Variants in POLA1 observed in about 807,000 individuals in gnomAD.
POLA1 encodes DNA polymerase alpha catalytic subunit.
Under a neutral mutation model 124.0 loss-of-function variants are expected in POLA1, and 15 were observed. The observed-to-expected ratio is 0.12, with a 90% CI of 0.08 to 0.19. The LOEUF (loss-of-function observed/expected upper bound fraction) is 0.19. Ranked by LOEUF, POLA1 falls within the 10% of genes least tolerant of loss-of-function variation. POLA1 has a pLI of 1.00. For synonymous variants in POLA1, 408 were observed against 389.4 expected (o/e 1.05, Z -0.56); for missense variants, 886 against 1,103.4 (o/e 0.80, Z 2.79).
chrX:24,835,583 C>G (rs2046331708), intron 32 of POLA1, among the ~76,000 whole-genome samples: 1 of 109,043 alleles, frequency 9.2e-6, no homozygotes, highest in Non-Finnish European at 1.9e-5. Flanking sequence ...TTTGTTGATC[C>G]TCCCAGTTTG....
At chrX:24,728,551 A>G (rs1930688154) in intron 15 of POLA1, among the ~76,000 whole-genome samples, 1 of 111,869 alleles carries the variant, frequency 8.9e-6, no homozygotes, top group Non-Finnish European at 1.9e-5. Flanking sequence ...ATCTCTTTTA[A>G]ACAGGAAGAA....
rs772870674 is a variant in POLA1 at position 24,745,400 on chromosome X, G to T, written c.2567-18G>T. On this transcript the variant is annotated intron_variant, in intron 23 of 36. Coordinates refer to ENST00000379068, the MANE Select transcript of POLA1 (RefSeq NM_001330360.2). ...TGCTTTTCTTTAGACTTTTTATGAC[G>T]TGGCTTTTTAATTTCAGGTTTTTAT... 3 of 1,125,435 alleles carry T rather than the reference G, an allele frequency of 2.7e-6. No homozygotes were observed. Among genetic ancestry groups the T allele is most frequent in the Non-Finnish European group, 3.6e-6 (3 of 840,070 alleles). The allele number at this position is 1,125,435 out of a possible 1,213,427, so 92.7% of individuals were successfully genotyped here.
intron 36 of POLA1, among the ~76,000 whole-genome samples, chrX:24,990,444 T>C (rs940679561): frequency 8.9e-6 from 1 of 112,506 alleles, no homozygotes; most frequent in Non-Finnish European, 1.9e-5. Context: ...CCTCCCTTCC[T>C]GCTCTGAGAG....
At chrX:24,815,733 T>C (rs1238315239) in intron 30 of POLA1, among the ~76,000 whole-genome samples, 1 of 111,621 alleles carries the variant, frequency 9.0e-6, no homozygotes, top group Non-Finnish European at 1.9e-5. Flanking sequence ...GCAAATACAA[T>C]GCTACCCATT....
intron 8 of POLA1, 58 bp downstream of exon 8, chrX:24,717,029 A>G: frequency 1.3e-6 from 1 of 783,694 alleles, no homozygotes; most frequent in Non-Finnish European, 1.9e-6. Flanking sequence ...TCAAAAATGG[A>G]GGCCCTATGA....
At chrX:24,992,243 T>G (rs988215598) in intron 36 of POLA1, among the ~76,000 whole-genome samples, 11 of 111,458 alleles carry the variant, frequency 9.9e-5, no homozygotes, top group African/African-American at 3.6e-4. Flanking sequence ...CTTTCAAATT[T>G]TTCTAAAGCT....
chrX:24,741,218 C>G (rs1569291088), intron 20 of POLA1, among the ~76,000 whole-genome samples, 157 bp from the exon 21 acceptor site: 1 of 108,809 alleles, frequency 9.2e-6, no homozygotes, highest in Admixed American at 1.0e-4. Flanking sequence ...TTCCTAGTTA[C>G]ATACTGACCT....
At chrX:24,876,702 T>C (rs1225283877) in intron 34 of POLA1, among the ~76,000 whole-genome samples, 1 of 107,037 alleles carries the variant, frequency 9.3e-6, no homozygotes, top group Non-Finnish European at 1.9e-5. Flanking sequence ...ATAGTGGTAG[T>C]GGTATGGAGA....
rs186146223 is a variant in POLA1 at position 24,834,334 on chromosome X, G to A, written c.3737-7318G>A. Among the ~76,000 whole-genome samples the A allele has an allele frequency of 3.6e-5, 4 of 111,572 alleles. No homozygotes were observed. The Admixed American group carries it at 3.8e-4, about 11-fold the overall frequency. On this transcript the variant is annotated intron_variant, in intron 32 of 36. Coordinates refer to ENST00000379068, the MANE Select transcript of POLA1 (RefSeq NM_001330360.2). ...ATCTTGGGTATTCATTTAAACCAAA[G>A]GCTCGGCTATTATTTCTTCTAAAAT...
chrX:24,775,011 T>C (rs1165646623), intron 26 of POLA1, among the ~76,000 whole-genome samples: 1 of 112,405 alleles, frequency 8.9e-6, no homozygotes, highest in African/African-American at 3.2e-5. Flanking sequence ...TCACACCATG[T>C]CTTTTTTTTA....
chrX:24,831,764 A>T (rs960477256), intron 32 of POLA1, among the ~76,000 whole-genome samples: 1 of 112,690 alleles, frequency 8.9e-6, no homozygotes, highest in African/African-American at 3.2e-5. Flanking sequence ...TAGTAAAATT[A>T]AAAAATGTTA....
At chrX:24,787,439 T>C (rs899428774) in intron 26 of POLA1, among the ~76,000 whole-genome samples, 16 of 112,080 alleles carry the variant, frequency 1.4e-4, no homozygotes, top group Non-Finnish European at 2.8e-4. Context: ...TGTGGATATC[T>C]AGTTTTCCCA....
chrX:24,753,113 G>A (rs1270314454), intron 26 of POLA1, among the ~76,000 whole-genome samples: 1 of 108,734 alleles, frequency 9.2e-6, no homozygotes, highest in Admixed American at 9.9e-5. Context: ...CCGGGTTCAC[G>A]CCATTCTACT....
intron 12 of POLA1, among the ~76,000 whole-genome samples, chrX:24,725,400 G>A (rs1333948792): frequency 1.8e-5 from 2 of 110,195 alleles, no homozygotes; most frequent in African/African-American, 3.3e-5. Context: ...GTTTCACCAT[G>A]TTGGCCAGGC....
At chrX:24,825,639 G>A (rs2046160377) in intron 31 of POLA1, among the ~76,000 whole-genome samples, 1 of 111,771 alleles carries the variant, frequency 8.9e-6, no homozygotes, top group Non-Finnish European at 1.9e-5. Context: ...TCACAAGGCT[G>A]GATATGGGCC....
chrX:24,809,975 T>C (rs374499608), intron 27 of POLA1, 45 bp downstream of exon 27: 20 of 826,502 alleles, frequency 2.4e-5, no homozygotes, highest in Non-Finnish European at 3.5e-5. Context: ...ATATCATAAC[T>C]GGTAACGTTT....
intron 36 of POLA1, among the ~76,000 whole-genome samples, chrX:24,943,349 A>T (rs1318924251): frequency 8.9e-6 from 1 of 112,449 alleles, no homozygotes; most frequent in Non-Finnish European, 1.9e-5. Flanking sequence ...TTATGACGAA[A>T]AAAATGTAAA....
chrX:24,848,942 G>C (rs2046511194), intron 34 of POLA1, among the ~76,000 whole-genome samples: 1 of 112,229 alleles, frequency 8.9e-6, no homozygotes, highest in South Asian at 3.7e-4. Context: ...TAACTCTACT[G>C]TAGTTTCATT....
Position 24,746,520 on chromosome X carries a change from C to G in POLA1, c.2691+978C>G, listed in dbSNP as rs141132697. On this transcript the variant is annotated intron_variant, in intron 24 of 36. Coordinates refer to ENST00000379068, the MANE Select transcript of POLA1 (RefSeq NM_001330360.2). ...GACCTCAGAGGTCATCTAAGAAATA[C>G]TATACATGTAGCAATTTATAGATCT... Among the ~76,000 whole-genome samples, 214 of 112,032 alleles carry G rather than the reference C, an allele frequency of 1.9e-3. 1 individual carries two copies. Among genetic ancestry groups the G allele is most frequent in the African/African-American group, 6.6e-3 (204 of 30,830 alleles).
Sources: allele counts gnomAD v4.1 joint callset (sites outside exome capture counted in the v4.1 genomes callset), GRCh38; gene constraint gnomAD v4.1.1; transcripts MANE v1.5; gene names NCBI Gene and HGNC (gene_info 2026-07-23, HGNC 2026-07-21).